The following SCN9A variants were observed in gnomAD, a reference collection of about 807,000 sequenced individuals.
SCN9A encodes sodium voltage-gated channel alpha subunit 9, also known as sodium channel protein type 9 subunit alpha.
In SCN9A, 131 loss-of-function variants were observed where a neutral mutation model predicts 187.0. That is an observed-to-expected ratio of 0.70 (90% CI 0.61 to 0.81). SCN9A has a LOEUF of 0.81. Among genes scored for constraint, SCN9A ranks in the 30% least tolerant of loss-of-function variants. The pLI is 0.00. For missense variants in SCN9A, 2,252 were observed against 2,396.6 expected (o/e 0.94, Z 1.26); for synonymous variants, 809 against 808.6 (o/e 1.00, Z -0.01).
chr2:166,253,285 T>C (rs1312457511), intron 17 of SCN9A, among the ~76,000 whole-genome samples: 1 of 151,762 alleles, frequency 6.6e-6, no homozygotes, highest in Admixed American at 6.6e-5. Flanking sequence ...GAACAACCTA[T>C]TAAGAGAACT....
At chr2:166,241,635 G>A (rs954662969) in intron 19 of SCN9A, among the ~76,000 whole-genome samples, 9 of 151,692 alleles carry the variant, frequency 5.9e-5, no homozygotes, top group Non-Finnish European at 1.0e-4. Flanking sequence ...ATTCCTGTTC[G>A]TCTTTCTAGA....
intron 26 of SCN9A, among the ~76,000 whole-genome samples, chr2:166,202,624 C>A (rs1693595753): frequency 6.6e-6 from 1 of 151,780 alleles, no homozygotes; most frequent in Non-Finnish European, 1.5e-5. Context: ...AGAAGCTTAT[C>A]TAAGTACATG....
At chr2:166,277,687 C>G (rs1697298773) in intron 15 of SCN9A, 1 of 231,610 alleles carries the variant, frequency 4.3e-6, no homozygotes, top group Admixed American at 5.0e-5. Flanking sequence ...CATGCCGACA[C>G]TTAGATAAAA....
chr2:166,224,002 C>T (rs1021679838), intron 24 of SCN9A, among the ~76,000 whole-genome samples: 1 of 152,134 alleles, frequency 6.6e-6, no homozygotes, highest in Non-Finnish European at 1.5e-5. Flanking sequence ...GTTTTTGATG[C>T]TTCTAAATCA....
At chr2:166,286,025 A>G (rs1160689387) in intron 11 of SCN9A, among the ~76,000 whole-genome samples, 3 of 152,184 alleles carry the variant, frequency 2.0e-5, no homozygotes, top group Non-Finnish European at 4.4e-5. Flanking sequence ...ATACAAATAT[A>G]AAAGTTATTC....
Position 166,228,797 on chromosome 2 carries a change from C to A in SCN9A, c.4100G>T (p.Arg1367Leu). ...SRFPASQVPN[R>L]SECFALMNVS... ...ATTCATAAGGGCAAAACATTCGGAA[C>A]GATTTGGAACTTGACTTGCAGGAAA... Residue 1367 changes from arginine (R) to leucine (L), a missense_variant, in exon 22 of 27, where the codon CGT (arginine) becomes CTT (leucine). Physicochemically the swap from Arg to Leu is moderately radical, Grantham distance 102. Coordinates refer to ENST00000642356, the MANE Select transcript of SCN9A (RefSeq NM_001365536.1). 2 of 1,613,840 alleles carry A rather than the reference C, an allele frequency of 1.2e-6. No homozygotes were observed. Among genetic ancestry groups the A allele is most frequent in the Middle Eastern group, 1.7e-4 (1 of 6,060 alleles).
In SCN9A at chr2:166,311,663, AT is replaced by A. The variant is rs769784952; in HGVS notation, c.93del (p.Lys31AsnfsTer59). 6.2e-7 allele frequency: 1 copy of A among 1,612,702 alleles called. No individual in the cohort carries two copies. Among genetic ancestry groups the A allele is most frequent in the South Asian group, 1.1e-5 (1 of 91,016 alleles). ...TTCTTTTCTTCTTTGGGTTCCTTTG[AT>A]TTTCTTTCAGCAATGCGTTGTTCAA... The part of the protein sequence containing the change: ...ALIEQRIAER[K>X]SKEPKEEKKD... On this transcript the variant is annotated frameshift_variant, in exon 2 of 27. Transcript: ENST00000642356. LOFTEE classifies it high-confidence loss of function.
chr2:166,373,311 T>A (rs1030587402), intron 1 of SCN9A, among the ~76,000 whole-genome samples: 4 of 137,858 alleles, frequency 2.9e-5, no homozygotes, highest in African/African-American at 1.2e-4. Flanking sequence ...TTCTTCTTCC[T>A]CTTTTTTTTT....
chr2:166,317,916 C>A (rs996685429), intron 1 of SCN9A, among the ~76,000 whole-genome samples: 2 of 152,098 alleles, frequency 1.3e-5, no homozygotes, highest in African/African-American at 4.8e-5. Flanking sequence ...AAAGCAGAAG[C>A]TACAGTCTAG....
chr2:166,368,644 T>A (rs1432392917), intron 1 of SCN9A, among the ~76,000 whole-genome samples: 1 of 121,932 alleles, frequency 8.2e-6, no homozygotes, highest in Non-Finnish European at 1.7e-5. Flanking sequence ...TTTACCTATG[T>A]AAAAAACCTG....
Position 166,199,512 on chromosome 2 carries a change from G to A in SCN9A, c.5127C>T (p.Asn1709=), listed in dbSNP as rs746833579. The A allele has an allele frequency of 1.2e-6, 2 of 1,614,072 alleles. No homozygotes were observed. Among genetic ancestry groups the A allele is most frequent in the Non-Finnish European group, 1.7e-6 (2 of 1,180,042 alleles). The change falls in exon 27 of 27, where the codon AAC becomes AAT. Residue 1709 remains asparagine (N), a synonymous_variant. Transcript: ENST00000642356. The part of the protein sequence containing the change: ...GWDGLLAPIL[N]SKPPDCDPKK... ...TTGGGTCACAGTCGGGTGGCTTACT[G>A]TTAAGAATAGGTGCTAGCAATCCAT...
In SCN9A at chr2:166,306,944, T is replaced by C; in HGVS notation, c.377+12A>G. The C allele has an allele frequency of 6.9e-7, 1 of 1,452,542 alleles. No individual in the cohort carries two copies. Among genetic ancestry groups the C allele is most frequent in the African/African-American group, 1.4e-5 (1 of 71,436 alleles). 90.0% of individuals were successfully genotyped at this position (1,452,542 alleles called of 1,614,324 possible). ...AAAGTGCCACTGGATGTAATCATTT[T>C]TAAAAGGATATGAGTGTACTAAAAT... On this transcript the variant is annotated intron_variant, in intron 3 of 26. Coordinates refer to ENST00000642356, the MANE Select transcript of SCN9A (RefSeq NM_001365536.1).
In SCN9A at chr2:166,311,370, A is replaced by ATATG. The variant is rs1553497909; in HGVS notation, c.258+128_258+129insCATA. 11 of 121,860 alleles carry ATATG rather than the reference A, an allele frequency of 9.0e-5. 1 individual carries two copies. Among genetic ancestry groups the ATATG allele is most frequent in the African/African-American group, 3.6e-4 (11 of 30,732 alleles). 7.5% of individuals were successfully genotyped at this position (121,860 alleles called of 1,614,324 possible). A position where few individuals can be genotyped will look rare whatever the true frequency, so the allele number is the denominator to read the frequency against. ...TATATATATATATATATATATATAT[A>ATATG]TATATATTTAATTTAACATTCTGGT... On this transcript the variant is annotated intron_variant, in intron 2 of 26. Coordinates refer to ENST00000642356, the MANE Select transcript of SCN9A (RefSeq NM_001365536.1).
At chr2:166,262,720 G>A (rs1482333316) in intron 17 of SCN9A, among the ~76,000 whole-genome samples, 2 of 151,914 alleles carry the variant, frequency 1.3e-5, no homozygotes, top group African/African-American at 4.8e-5. Context: ...TAATCTTTTA[G>A]AATCGCAGTC....
intron 24 of SCN9A, among the ~76,000 whole-genome samples, chr2:166,214,454 G>A (rs1029241780): frequency 4.0e-5 from 6 of 150,804 alleles, no homozygotes; most frequent in South Asian, 4.2e-4. Context: ...CATTCCCCAC[G>A]CCTTCTTCCC....
chr2:166,197,779 A>G lies in SCN9A; in HGVS notation c.*893T>C, dbSNP rs986100170. The G allele has an allele frequency of 6.6e-5, 10 of 152,198 alleles. No individual in the cohort carries two copies. Among genetic ancestry groups the G allele is most frequent in the African/African-American group, 2.4e-4 (10 of 41,466 alleles). 9.4% of individuals were successfully genotyped at this position (152,198 alleles called of 1,614,324 possible). A position where few individuals can be genotyped will look rare whatever the true frequency, so the allele number is the denominator to read the frequency against. On this transcript the variant is annotated 3_prime_UTR_variant, in exon 27 of 27. Transcript: ENST00000642356. The stretch of plus-strand genomic sequence containing the variant: ...ATTTGACAAAAGAGTTTAAGAGACT[A>G]TTATCAGTATTTTGGGCAGCACAGT...
At position 166,198,666 on chromosome 2, in the gene SCN9A, G is replaced by C. The variant is rs1420124669; in HGVS notation, c.*6C>G. 1 of 1,563,198 alleles carries C rather than the reference G, an allele frequency of 6.4e-7. No individual in the cohort carries two copies. Among genetic ancestry groups the C allele is most frequent in the Non-Finnish European group, 8.7e-7 (1 of 1,150,766 alleles). On this transcript the variant is annotated 3_prime_UTR_variant, in exon 27 of 27. Coordinates refer to ENST00000642356, the MANE Select transcript of SCN9A (RefSeq NM_001365536.1). ...AGGCTGTAAACAATATATCAAAAAT[G>C]AAGCTCTATTTTTTGCTTTCCTTGC...
intron 12 of SCN9A, 74 bp downstream of exon 12, chr2:166,284,379 G>T: frequency 6.6e-7 from 1 of 1,513,916 alleles, no homozygotes; most frequent in Non-Finnish European, 8.9e-7. Context: ...ACCAGAGAAG[G>T]CCCTTCAGCA....
intron 10 of SCN9A, 76 bp from the exon 11 acceptor site, chr2:166,286,699 A>G (rs1325752870): frequency 8.5e-7 from 1 of 1,177,574 alleles, no homozygotes. Context: ...GACATCTTTC[A>G]CCTATTAGCA....
Sources: allele counts gnomAD v4.1 joint callset (sites outside exome capture counted in the v4.1 genomes callset), GRCh38; gene constraint gnomAD v4.1.1; transcripts MANE v1.5; gene names NCBI Gene and HGNC (gene_info 2026-07-23, HGNC 2026-07-21).